Variants in NSMCE2 observed in about 807,000 individuals in gnomAD.
The protein encoded by NSMCE2 is E3 SUMO-protein ligase NSE2.
In NSMCE2, 24 loss-of-function variants were observed where a neutral mutation model predicts 23.8. The ratio of observed to expected loss-of-function variants is 1.01; its 90% CI spans 0.73 to 1.42. NSMCE2 has a LOEUF of 1.42. NSMCE2 is among the 40% of genes most tolerant of loss of function. The pLI is 0.00. For missense variants in NSMCE2, 284 were observed against 296.5 expected, an observed-to-expected ratio of 0.96 and a Z score of 0.31; for synonymous variants, 92 against 94.1, an observed-to-expected ratio of 0.98 and a Z score of 0.13.
chr8:125,169,257 A>G (rs1402103429), intron 4 of NSMCE2, among the ~76,000 whole-genome samples: 3 of 152,112 alleles, frequency 2.0e-5, no homozygotes, highest in Non-Finnish European at 2.9e-5. Flanking sequence ...CTCACACTGC[A>G]TACTCTTCCT....
intron 5 of NSMCE2, among the ~76,000 whole-genome samples, chr8:125,307,000 A>T (rs943367629): frequency 5.3e-5 from 8 of 152,240 alleles, no homozygotes; most frequent in African/African-American, 1.9e-4. Context: ...TAGTGCTACT[A>T]CTGAATTATG....
At chr8:125,256,936 AAAAAAAAAAAAAAAAAAAAAAAAG>A (rs1391592992) in intron 5 of NSMCE2, among the ~76,000 whole-genome samples, 5 of 127,168 alleles carry the variant, frequency 3.9e-5, no homozygotes, top group African/African-American at 1.8e-4. Context: ...AAAAAAAAAA[AAAAAAAAAAAAAAAAAAAAAAAAG>A]AGGGCTGAAG....
chr8:125,303,583 C>T (rs528552375), intron 5 of NSMCE2, among the ~76,000 whole-genome samples: 22 of 152,220 alleles, frequency 1.4e-4, no homozygotes, highest in African/African-American at 5.1e-4. Context: ...CACCCCCTCT[C>T]GCTGTTTAGG....
chr8:125,349,522 A>G (rs4319117), intron 5 of NSMCE2, among the ~76,000 whole-genome samples: 125,871 of 151,516 alleles, frequency 0.83, 52,327 homozygotes, highest in African/African-American at 0.88. Context: ...GCCAAGGTGG[A>G]AGGATCCCTT....
At chr8:125,320,436 A>G (rs947517400) in intron 5 of NSMCE2, among the ~76,000 whole-genome samples, 3 of 152,114 alleles carry the variant, frequency 2.0e-5, no homozygotes, top group Non-Finnish European at 4.4e-5. Flanking sequence ...ACACCAAGGG[A>G]TCTTACGATC....
chr8:125,212,290 A>C (rs1824382570), intron 5 of NSMCE2, among the ~76,000 whole-genome samples: 1 of 152,128 alleles, frequency 6.6e-6, no homozygotes, highest in Non-Finnish European at 1.5e-5. Context: ...CCCAGGATAG[A>C]GTCTTTCTGG....
intron 5 of NSMCE2, among the ~76,000 whole-genome samples, chr8:125,323,058 C>T (rs1829517526): frequency 6.6e-6 from 1 of 152,034 alleles, no homozygotes; most frequent in Non-Finnish European, 1.5e-5. Flanking sequence ...GACTCTGTCT[C>T]AGAAAAATAT....
chr8:125,157,592 G>A (rs988404773), intron 4 of NSMCE2, among the ~76,000 whole-genome samples: 4 of 152,108 alleles, frequency 2.6e-5, no homozygotes, highest in African/African-American at 9.7e-5. Context: ...AATAAACAGA[G>A]ACAGAGACAA....
At position 125,367,110 on chromosome 8, in the gene NSMCE2, G is replaced by C. The variant is rs1163778562; in HGVS notation, c.*225G>C. Reference sequence around the variant, plus strand: ...GTTCTATAATGTTAAATAAAACTTTGATCATCTGCAGTGTCCTCCCTGCAT... The same window carrying C: ...GTTCTATAATGTTAAATAAAACTTTCATCATCTGCAGTGTCCTCCCTGCAT... On this transcript the variant is annotated 3_prime_UTR_variant, in exon 8 of 8. Transcript: ENST00000287437. 1.4e-5 allele frequency: 6 copies of C among 442,514 alleles called. No homozygotes were observed. Among genetic ancestry groups the C allele is most frequent in the Admixed American group, 3.6e-5 (1 of 27,950 alleles). 27.4% of individuals were successfully genotyped at this position (442,514 alleles called of 1,614,324 possible).
chr8:125,181,985 T>TGAG (rs1822840774), intron 4 of NSMCE2, 118 bp from the exon 5 acceptor site: 2 of 773,934 alleles, frequency 2.6e-6, no homozygotes, highest in African/African-American at 1.8e-5. Context: ...TTCAAGAGAT[T>TGAG]GTTTTCAACC....
At chr8:125,212,285 G>T (rs1236114076) in intron 5 of NSMCE2, among the ~76,000 whole-genome samples, 1 of 152,158 alleles carries the variant, frequency 6.6e-6, no homozygotes, top group Admixed American at 6.5e-5. Flanking sequence ...GGTAGCCCAG[G>T]ATAGAGTCTT....
rs80009601 is a variant in NSMCE2, at chr8:125,212,231, A to G, written c.418+29975A>G. Reference sequence around the variant, plus strand: ...TTTACCTTGTTAGCAAGGCGAACACATATTCATTTAAAGGTATCAATAAGA... The same window carrying G: ...TTTACCTTGTTAGCAAGGCGAACACGTATTCATTTAAAGGTATCAATAAGA... On this transcript the variant is annotated intron_variant, in intron 5 of 7. Transcript: ENST00000287437. 3.8e-3 allele frequency among the ~76,000 whole-genome samples: 561 copies of G among 149,196 alleles called. 3 individuals carry two copies. The highest frequency in any genetic ancestry group is 0.013 in the African/African-American group (529 of 41,400).
intron 5 of NSMCE2, among the ~76,000 whole-genome samples, chr8:125,342,527 T>A (rs1830287926): frequency 6.6e-6 from 1 of 152,114 alleles, no homozygotes; most frequent in Non-Finnish European, 1.5e-5. Context: ...GAAGGAAGGC[T>A]TAGAGGCAAG....
At chr8:125,233,945 G>A (rs1287286237) in intron 5 of NSMCE2, among the ~76,000 whole-genome samples, 1 of 151,202 alleles carries the variant, frequency 6.6e-6, no homozygotes, top group Non-Finnish European at 1.5e-5. Context: ...GGGAGGCTGA[G>A]GCAGGCGGAT....
At chr8:125,204,195 G>A (rs1824007231) in intron 5 of NSMCE2, among the ~76,000 whole-genome samples, 1 of 152,140 alleles carries the variant, frequency 6.6e-6, no homozygotes, top group Non-Finnish European at 1.5e-5. Context: ...TTGACACATA[G>A]TAGTCCTGGG....
intron 4 of NSMCE2, chr8:125,156,099 G>C (rs1821293639): frequency 5.7e-6 from 2 of 351,518 alleles, no homozygotes; most frequent in South Asian, 4.2e-5. Context: ...GGACAACATA[G>C]TAAGACTCCA....
intron 3 of NSMCE2, among the ~76,000 whole-genome samples, chr8:125,145,504 A>G (rs931478468): frequency 6.6e-6 from 1 of 152,056 alleles, no homozygotes; most frequent in Non-Finnish European, 1.5e-5. Context: ...TTCTCCATGT[A>G]TTTATTGGCT....
At chr8:125,334,628 G>A (rs1830004519) in intron 5 of NSMCE2, among the ~76,000 whole-genome samples, 1 of 152,090 alleles carries the variant, frequency 6.6e-6, no homozygotes, top group Admixed American at 6.6e-5. Context: ...GTCCATTATA[G>A]TCAATCTGGA....
At chr8:125,205,487 T>C (rs1253682438) in intron 5 of NSMCE2, among the ~76,000 whole-genome samples, 2 of 152,218 alleles carry the variant, frequency 1.3e-5, no homozygotes, top group Non-Finnish European at 2.9e-5. Flanking sequence ...TCTGCTGCTT[T>C]TGGTGATGGT....
Sources: gnomAD v4.1 joint callset for allele counts (sites outside exome capture counted in the v4.1 genomes callset) on GRCh38, gnomAD v4.1.1 for gene constraint, MANE v1.5 for transcripts, NCBI Gene and HGNC (gene_info 2026-07-23, HGNC 2026-07-21) for gene names.